FMN2: variants seen among roughly 807,000 people sequenced by gnomAD.
FMN2 encodes formin-2.
A neutral mutation model predicts 142.3 loss-of-function variants in FMN2; 51 were observed. The observed-to-expected ratio is 0.36, with a 90% confidence interval of 0.29 to 0.45. The LOEUF is 0.45. Among genes scored for constraint, FMN2 ranks in the 20% least tolerant of loss-of-function variants. The pLI is 1.00. For synonymous variants in FMN2, 882 were observed against 869.8 expected (o/e 1.01, Z -0.25); for missense variants, 1,936 against 2,122.8 (o/e 0.91, Z 1.73).
intron 2 of FMN2, among the ~76,000 whole-genome samples, chr1:240,123,556 G>A (rs1167399728): frequency 6.7e-6 from 1 of 148,662 alleles, no homozygotes; most frequent in East Asian, 2.0e-4. Context: ...AAGTACATTT[G>A]CCAAACCTCC....
chr1:240,462,818 A>G (rs1676488968), intron 16 of FMN2, among the ~76,000 whole-genome samples: 1 of 152,186 alleles, frequency 6.6e-6, no homozygotes, highest in Non-Finnish European at 1.5e-5. Context: ...GGAAAGAAGT[A>G]TGTGAAAGCT....
At position 240,439,486 on chromosome 1, in the gene FMN2, AGACTT is replaced by A. The variant is rs571214395; in HGVS notation, c.5060+1278_5060+1282del. Among the ~76,000 whole-genome samples the A allele has an allele frequency of 1.6e-4, 25 of 152,300 alleles. No individual in the cohort carries two copies. In the South Asian group the frequency reaches 5.0e-3, roughly 30 times the overall value. On this transcript the variant is annotated intron_variant, in intron 16 of 17. Transcript: ENST00000319653. ...ATTTATAGAGCCTGTAAACCATGCC[AGACTT>A]GCGCTTACTCCTATAATAATTACTT...
chr1:240,289,185 G>T (rs1318667476), intron 7 of FMN2, among the ~76,000 whole-genome samples: 1 of 152,168 alleles, frequency 6.6e-6, no homozygotes, highest in Non-Finnish European at 1.5e-5. Flanking sequence ...GTAGGTGACT[G>T]CAGTGGCTGG....
chr1:240,464,176 T>C (rs182347168), intron 16 of FMN2, among the ~76,000 whole-genome samples: 10 of 152,284 alleles, frequency 6.6e-5, no homozygotes, highest in African/African-American at 2.2e-4. Flanking sequence ...TTTGTATGTG[T>C]GTACAATTTA....
chr1:240,387,475 G>A (rs1001271904), intron 14 of FMN2, among the ~76,000 whole-genome samples: 2 of 152,214 alleles, frequency 1.3e-5, no homozygotes, highest in Non-Finnish European at 2.9e-5. Flanking sequence ...TCTTTAAAAA[G>A]TGGGGAGGGG....
intron 6 of FMN2, among the ~76,000 whole-genome samples, chr1:240,221,616 G>C (rs1667116840): frequency 6.6e-6 from 1 of 151,892 alleles, no homozygotes; most frequent in Non-Finnish European, 1.5e-5. Flanking sequence ...GTAGATTCTG[G>C]TAGATTCTGG....
intron 16 of FMN2, among the ~76,000 whole-genome samples, chr1:240,468,501 C>G (rs969032321): frequency 6.6e-6 from 1 of 152,142 alleles, no homozygotes; most frequent in Non-Finnish European, 1.5e-5. Context: ...ACACACTTCC[C>G]TCTTCATGGT....
intron 7 of FMN2, among the ~76,000 whole-genome samples, chr1:240,271,099 T>G (rs868791240): frequency 4.2e-5 from 2 of 47,586 alleles, no homozygotes; most frequent in Non-Finnish European, 8.1e-5. Flanking sequence ...TCCACGATGG[T>G]TTTTTTTTTT....
intron 15 of FMN2, among the ~76,000 whole-genome samples, chr1:240,410,024 A>G (rs114342498): frequency 0.021 from 3,220 of 152,268 alleles, 123 homozygotes; most frequent in African/African-American, 0.074. Context: ...GTCAAAATTC[A>G]ACACTTGGTA....
Position 240,241,825 on chromosome 1 carries a change from C to CTTTTTT in FMN2, c.4066-16096_4066-16091dup, listed in dbSNP as rs71567282. On this transcript the variant is annotated intron_variant, in intron 6 of 17. Coordinates refer to ENST00000319653, the MANE Select transcript of FMN2 (RefSeq NM_020066.5). ...ATTTTCTTTATTTTAGTGTGCCTTG[C>CTTTTTT]TTTTTTTTTTTTTTTTTTTTTTTTT... Among the ~76,000 whole-genome samples the CTTTTTT allele has an allele frequency of 7.3e-4, 70 of 96,194 alleles. 5 individuals carry two copies. The highest frequency in any genetic ancestry group is 9.9e-4 in the Admixed American group (8 of 8,080). The allele number at this position is 96,194 out of a possible 152,430, so 63.1% of individuals were successfully genotyped here.
intron 7 of FMN2, among the ~76,000 whole-genome samples, chr1:240,274,486 G>A: frequency 6.6e-6 from 1 of 152,062 alleles, no homozygotes; most frequent in Admixed American, 6.6e-5. Context: ...TAAACAATGG[G>A]GTCTGCGGGG....
intron 14 of FMN2, among the ~76,000 whole-genome samples, chr1:240,378,359 C>T (rs1673116135): frequency 6.6e-6 from 1 of 152,062 alleles, no homozygotes; most frequent in South Asian, 2.1e-4. Context: ...CCATGTTGGC[C>T]AGGCTGGTCT....
chr1:240,144,146 A>G, intron 2 of FMN2: 1 of 1,295,968 alleles, frequency 7.7e-7, no homozygotes, highest in Admixed American at 1.7e-5. Flanking sequence ...CAACAGATGC[A>G]GCTGCACTCA....
At chr1:240,276,076 A>T (rs181140771) in intron 7 of FMN2, among the ~76,000 whole-genome samples, 83 of 152,324 alleles carry the variant, frequency 5.4e-4, no homozygotes, top group African/African-American at 1.9e-3. Flanking sequence ...AGGGAGGCTA[A>T]GGCCAAAGGA....
chr1:240,302,005 T>TTACA (rs1489794907), intron 8 of FMN2, among the ~76,000 whole-genome samples: 2 of 152,094 alleles, frequency 1.3e-5, no homozygotes, highest in African/African-American at 4.8e-5. Flanking sequence ...GACATACATG[T>TTACA]TACATCTTGA....
chr1:240,206,291 A>G (rs1481532943), intron 4 of FMN2, among the ~76,000 whole-genome samples: 2 of 152,154 alleles, frequency 1.3e-5, no homozygotes, highest in African/African-American at 4.8e-5. Context: ...AGTAAACATG[A>G]TATAAGCGGT....
chr1:240,149,568 A>G (rs1474981692), intron 2 of FMN2, among the ~76,000 whole-genome samples: 2 of 152,258 alleles, frequency 1.3e-5, no homozygotes, highest in Non-Finnish European at 2.9e-5. Context: ...CTCAGCAAAT[A>G]TAGCAACCGA....
intron 13 of FMN2, among the ~76,000 whole-genome samples, chr1:240,344,943 G>A (rs888503458): frequency 1.3e-5 from 2 of 152,092 alleles, no homozygotes; most frequent in Admixed American, 6.6e-5. Flanking sequence ...TTTCTTTCAG[G>A]GACCTGGTAT....
intron 7 of FMN2, among the ~76,000 whole-genome samples, chr1:240,266,859 A>G (rs1668830974): frequency 6.6e-6 from 1 of 152,232 alleles, no homozygotes; most frequent in South Asian, 2.1e-4. Context: ...AGGACTCCCT[A>G]TTTAATAAAT....
Sources: allele counts gnomAD v4.1 joint callset (sites outside exome capture counted in the v4.1 genomes callset), GRCh38; gene constraint gnomAD v4.1.1; transcripts MANE v1.5; gene names NCBI Gene and HGNC (gene_info 2026-07-23, HGNC 2026-07-21).